UTRN: variants seen among roughly 807,000 people sequenced by gnomAD.
UTRN encodes dystrophin-related protein 1.
In UTRN, 283 loss-of-function variants were observed where a neutral mutation model predicts 463.9. The observed-to-expected ratio is 0.61, with a 90% confidence interval of 0.55 to 0.67. The LOEUF (loss-of-function observed/expected upper bound fraction) is 0.67. Ranked by LOEUF, UTRN falls within the 30% of genes least tolerant of loss-of-function variation. UTRN has a pLI of 0.00. For synonymous variants in UTRN, 1,442 were observed against 1,431.5 expected (o/e 1.01, Z -0.17); for missense variants, 3,922 against 4,084.3 (o/e 0.96, Z 1.08).
At chr6:144,452,185 T>C (rs553719403) in intron 18 of UTRN, among the ~76,000 whole-genome samples, 1 of 152,230 alleles carries the variant, frequency 6.6e-6, no homozygotes, top group African/African-American at 2.4e-5. Context: ...TACATTGATC[T>C]TTAGTTAGAC....
chr6:144,303,220 G>A (rs1805443874), intron 2 of UTRN, among the ~76,000 whole-genome samples: 1 of 152,136 alleles, frequency 6.6e-6, no homozygotes, highest in Non-Finnish European at 1.5e-5. Flanking sequence ...GTGAAAAGTG[G>A]TTAGCAGTTA....
chr6:144,536,304 G>A (rs534599714), intron 43 of UTRN, among the ~76,000 whole-genome samples: 60 of 152,116 alleles, frequency 3.9e-4, no homozygotes, highest in Non-Finnish European at 7.1e-4. Context: ...AACATTGGAC[G>A]TGAAATTTCA....
chr6:144,648,800 G>T (rs1778524864), intron 51 of UTRN, among the ~76,000 whole-genome samples: 1 of 152,066 alleles, frequency 6.6e-6, no homozygotes, highest in South Asian at 2.1e-4. Flanking sequence ...TTTCTATTAT[G>T]GCAAAACATG....
Position 144,488,489 on chromosome 6 carries a change from C to A in UTRN, c.3973-184C>A, listed in dbSNP as rs564505488. Among the ~76,000 whole-genome samples the A allele has an allele frequency of 1.2e-4, 19 of 152,132 alleles. No homozygotes were observed. The East Asian group carries it at 3.7e-3, about 29-fold the overall frequency. On this transcript the variant is annotated intron_variant, in intron 29 of 74. Transcript: ENST00000367545. ...GAAGTAATAATTAGTAATTCAGCTG[C>A]ATGGTACATAAGATCCTAGTGGGAC...
intron 51 of UTRN, chr6:144,583,459 G>A: frequency 2.9e-6 from 2 of 697,836 alleles, no homozygotes; most frequent in Non-Finnish European, 5.3e-6. Context: ...CATTTATAAT[G>A]CAAATTCTGA....
At chr6:144,488,571 G>C (rs547044371) in intron 29 of UTRN, 102 bp from the exon 30 acceptor site, 3 of 1,127,376 alleles carry the variant, frequency 2.7e-6, no homozygotes, top group Non-Finnish European at 3.7e-6. Context: ...CTAAAGTCTT[G>C]GATGAAAGCT....
chr6:144,773,524 G>A (rs1268356445), intron 59 of UTRN, among the ~76,000 whole-genome samples: 2 of 152,082 alleles, frequency 1.3e-5, no homozygotes, highest in Admixed American at 6.6e-5. Flanking sequence ...ACAAAAGACA[G>A]GTCAACCAGA....
intron 55 of UTRN, 120 bp downstream of exon 55, chr6:144,748,634 C>T: frequency 1.5e-6 from 2 of 1,304,060 alleles, no homozygotes; most frequent in South Asian, 3.1e-5. Context: ...AACGCCGCTG[C>T]AACCCCACCC....
At chr6:144,551,914 A>T (rs1020300906) in intron 48 of UTRN, among the ~76,000 whole-genome samples, 1 of 152,134 alleles carries the variant, frequency 6.6e-6, no homozygotes, top group South Asian at 2.1e-4. Context: ...CTAAAATGTC[A>T]TCCCCTTTGT....
At chr6:144,424,164 C>A (rs904119723) in intron 6 of UTRN, 86 bp downstream of exon 6, 120 of 1,369,960 alleles carry the variant, frequency 8.8e-5, no homozygotes, top group Admixed American at 9.3e-5. Flanking sequence ...TAACCAAGTA[C>A]CACAAGCTGC....
chr6:144,715,862 G>A (rs1159906058), intron 53 of UTRN, among the ~76,000 whole-genome samples: 3 of 150,942 alleles, frequency 2.0e-5, no homozygotes, highest in Non-Finnish European at 4.4e-5. Context: ...GTCCTTTGGT[G>A]TGAATGTTCC....
intron 51 of UTRN, among the ~76,000 whole-genome samples, chr6:144,651,727 C>T (rs1345441054): frequency 6.6e-6 from 1 of 152,166 alleles, no homozygotes; most frequent in Admixed American, 6.5e-5. Flanking sequence ...TACATATAGT[C>T]TTTTCTATAC....
At chr6:144,639,166 C>T (rs1205490298) in intron 51 of UTRN, among the ~76,000 whole-genome samples, 4 of 152,182 alleles carry the variant, frequency 2.6e-5, no homozygotes, top group Non-Finnish European at 5.9e-5. Context: ...TCTTTGATGA[C>T]CTTACTGCTT....
At chr6:144,579,166 C>T (rs1801724036) in intron 51 of UTRN, among the ~76,000 whole-genome samples, 1 of 152,104 alleles carries the variant, frequency 6.6e-6, no homozygotes, top group South Asian at 2.1e-4. Flanking sequence ...ATGAGTGTGA[C>T]CAGGCAAGTA....
At chr6:144,524,039 A>G (rs1345227877) in intron 41 of UTRN, among the ~76,000 whole-genome samples, 2 of 152,206 alleles carry the variant, frequency 1.3e-5, no homozygotes, top group Admixed American at 1.3e-4. Flanking sequence ...GCGCTGTATA[A>G]GAGGAAAGGG....
chr6:144,471,069 AGGGGGC>A (rs1487692327), intron 23 of UTRN, among the ~76,000 whole-genome samples: 79 of 5,874 alleles, frequency 0.013, 1 homozygote, highest in East Asian at 0.064. Flanking sequence ...AGGGAGGGGG[AGGGGGC>A]GAGGGAGGGG....
chr6:144,836,176 C>A, intron 70 of UTRN, 125 bp from the exon 71 acceptor site: 1 of 1,433,406 alleles, frequency 7.0e-7, no homozygotes, highest in Middle Eastern at 2.0e-4. Flanking sequence ...CATGCTCATC[C>A]TGCTATTAAT....
chr6:144,798,024 C>A lies in UTRN; in HGVS notation c.9245+34C>A, dbSNP rs1279303377. ...TGCCAGTGCTGGAGGAGGCTATTTTCTGTTTCCTTTGTGTAATCTCAGTGG... is the reference window on the plus strand; with the variant it reads ...TGCCAGTGCTGGAGGAGGCTATTTTATGTTTCCTTTGTGTAATCTCAGTGG... On this transcript the variant is annotated intron_variant, in intron 64 of 74. Coordinates refer to ENST00000367545, the MANE Select transcript of UTRN (RefSeq NM_007124.3). 3.7e-6 allele frequency: 6 copies of A among 1,613,102 alleles called. No homozygotes were observed. The Admixed American group carries it at 6.7e-5, about 18-fold the overall frequency.
intron 50 of UTRN, among the ~76,000 whole-genome samples, chr6:144,571,291 A>G (rs1055305112): frequency 6.6e-6 from 1 of 152,174 alleles, no homozygotes; most frequent in Admixed American, 6.5e-5. Flanking sequence ...ACCACCAACA[A>G]CAACTACTCA....
Sources: allele counts gnomAD v4.1 joint callset (sites outside exome capture counted in the v4.1 genomes callset), GRCh38; gene constraint gnomAD v4.1.1; transcripts MANE v1.5; gene names NCBI Gene and HGNC (gene_info 2026-07-23, HGNC 2026-07-21).